The following KAZN variants were observed in gnomAD, a reference collection of about 807,000 sequenced individuals.
KAZN encodes kazrin.
A neutral mutation model predicts 87.4 loss-of-function variants in KAZN; 40 were observed. The ratio of observed to expected loss-of-function variants is 0.46; its 90% CI spans 0.36 to 0.60. The LOEUF is 0.60. Among genes scored for constraint, KAZN ranks in the 20% least tolerant of loss-of-function variants. The pLI is 0.00. For missense variants in KAZN, 898 were observed against 1,073.9 expected (o/e 0.84, Z 2.29); for synonymous variants, 466 against 458.3 (o/e 1.02, Z -0.22).
At chr1:14,250,865 TA>T (rs1254787910) in intron 2 of KAZN, among the ~76,000 whole-genome samples, 2 of 151,378 alleles carry the variant, frequency 1.3e-5, no homozygotes, top group African/African-American at 4.9e-5. Flanking sequence ...AAGGGATGAT[TA>T]AATATTAGAA....
At chr1:15,050,966 C>T (rs1674337630) in intron 4 of KAZN, among the ~76,000 whole-genome samples, 1 of 152,190 alleles carries the variant, frequency 6.6e-6, no homozygotes, top group Non-Finnish European at 1.5e-5. Context: ...AGGGTCCCAG[C>T]CGGCTTCCCC....
intron 2 of KAZN, among the ~76,000 whole-genome samples, chr1:14,418,221 C>G (rs1172783613): frequency 1.3e-5 from 2 of 151,922 alleles, no homozygotes; most frequent in Non-Finnish European, 2.9e-5. Flanking sequence ...AGCTCAAATT[C>G]AGGAAGATCT....
At chr1:14,987,684 T>A (rs1666961943) in intron 2 of KAZN, among the ~76,000 whole-genome samples, 1 of 151,944 alleles carries the variant, frequency 6.6e-6, no homozygotes, top group Non-Finnish European at 1.5e-5. Flanking sequence ...GAGCAGGAGA[T>A]GAGGGGAGGG....
intron 1 of KAZN, among the ~76,000 whole-genome samples, chr1:14,754,832 C>T (rs569566831): frequency 2.0e-5 from 3 of 152,230 alleles, no homozygotes; most frequent in African/African-American, 7.2e-5. Flanking sequence ...GCTCCACCAC[C>T]TGCCAGCTGT....
At chr1:14,097,305 A>T (rs1057110456) in intron 1 of KAZN, among the ~76,000 whole-genome samples, 12 of 152,240 alleles carry the variant, frequency 7.9e-5, no homozygotes, top group African/African-American at 2.9e-4. Context: ...GCAATAGTCC[A>T]GGTGAGAAGT....
intron 1 of KAZN, among the ~76,000 whole-genome samples, chr1:14,922,350 T>C (rs759548046): frequency 7.9e-5 from 12 of 151,968 alleles, no homozygotes; most frequent in Non-Finnish European, 1.3e-4. Context: ...GTGCTCAGAG[T>C]GATCATTCTT....
chr1:14,149,104 CTT>C (rs57657728), intron 1 of KAZN, among the ~76,000 whole-genome samples: 29 of 69,586 alleles, frequency 4.2e-4, no homozygotes, highest in African/African-American at 1.1e-3. Flanking sequence ...TCTTTCTTTC[CTT>C]TTTTTTTTTT....
At chr1:15,036,676 C>T (rs1202894462) in intron 3 of KAZN, among the ~76,000 whole-genome samples, 1 of 152,094 alleles carries the variant, frequency 6.6e-6, no homozygotes, top group Non-Finnish European at 1.5e-5. Context: ...AGCAAGGAGT[C>T]AGAGACCAGG....
At chr1:14,571,144 T>A (rs1393952450) in intron 2 of KAZN, among the ~76,000 whole-genome samples, 1 of 152,220 alleles carries the variant, frequency 6.6e-6, no homozygotes, top group African/African-American at 2.4e-5. Context: ...TTATTTGTTT[T>A]TTTATAACAA....
chr1:14,937,177 C>T (rs1371510387), intron 1 of KAZN, among the ~76,000 whole-genome samples: 2 of 152,290 alleles, frequency 1.3e-5, no homozygotes, highest in East Asian at 1.9e-4. Context: ...CAGAGAGTGG[C>T]GCTGCAGAAG....
intron 2 of KAZN, among the ~76,000 whole-genome samples, chr1:14,581,937 TTC>T (rs1675579937): frequency 1.3e-5 from 2 of 152,150 alleles, no homozygotes; most frequent in African/African-American, 4.8e-5. Flanking sequence ...TCCCCTCTCT[TTC>T]CCCTTCCCAC....
At chr1:14,369,130 A>C (rs994682681) in intron 2 of KAZN, among the ~76,000 whole-genome samples, 1 of 152,216 alleles carries the variant, frequency 6.6e-6, no homozygotes, top group Non-Finnish European at 1.5e-5. Context: ...TAGCCTCAGG[A>C]AAGAATCAGA....
At chr1:13,982,228 T>C (rs1026043426) in intron 1 of KAZN, among the ~76,000 whole-genome samples, 2 of 152,180 alleles carry the variant, frequency 1.3e-5, no homozygotes, top group South Asian at 4.1e-4. Flanking sequence ...TGCCTCACAG[T>C]GCCCACCTCA....
chr1:14,429,501 T>C (rs1014113322), intron 2 of KAZN, among the ~76,000 whole-genome samples: 2 of 152,194 alleles, frequency 1.3e-5, no homozygotes, highest in African/African-American at 4.8e-5. Context: ...AGTTAGGGCC[T>C]CTTTCCAAAG....
chr1:14,961,025 G>A (rs371347868), intron 2 of KAZN, 150 bp downstream of exon 2: 1 of 773,800 alleles, frequency 1.3e-6, no homozygotes, highest in Non-Finnish European at 2.0e-6. Context: ...TTCTTCGAGT[G>A]GAATTCTGCA....
chr1:14,611,103 A>C lies in KAZN; in HGVS notation c.226+11880A>C, dbSNP rs191211919. Among the ~76,000 whole-genome samples the C allele has an allele frequency of 3.7e-4, 57 of 152,220 alleles. 1 individual carries two copies. In the Middle Eastern group the frequency reaches 0.01, roughly 27 times the overall value. On this transcript the variant is annotated intron_variant, in intron 1 of 14. Coordinates refer to ENST00000376030, the MANE Select transcript of KAZN (RefSeq NM_201628.3). ...ATGGCAGAAAACTCAGGGAGATGGG[A>C]ATGGGGCATTTTTTTCTGTGCATCT...
intron 1 of KAZN, among the ~76,000 whole-genome samples, chr1:13,901,282 C>G (rs1570226100): frequency 6.6e-6 from 1 of 152,170 alleles, no homozygotes; most frequent in South Asian, 2.1e-4. Context: ...CATGTTAAAT[C>G]ATACGGTCAC....
intron 1 of KAZN, among the ~76,000 whole-genome samples, chr1:14,075,354 G>A (rs1432112690): frequency 6.6e-6 from 1 of 152,116 alleles, no homozygotes; most frequent in Admixed American, 6.6e-5. Context: ...TGCGCTAATG[G>A]TTGTTTCCCA....
At chr1:15,053,292 C>T (rs1674610698) in intron 4 of KAZN, among the ~76,000 whole-genome samples, 1 of 152,154 alleles carries the variant, frequency 6.6e-6, no homozygotes, top group South Asian at 2.1e-4. Flanking sequence ...TGTGGTGGTT[C>T]AGGAAGTGTG....
Sources: gnomAD v4.1 joint callset for allele counts (sites outside exome capture counted in the v4.1 genomes callset) on GRCh38, gnomAD v4.1.1 for gene constraint, MANE v1.5 for transcripts, NCBI Gene and HGNC (gene_info 2026-07-23, HGNC 2026-07-21) for gene names.